The following HMCN1 variants were observed in gnomAD, a reference collection of about 807,000 sequenced individuals.
HMCN1 encodes hemicentin 1, also known as hemicentin-1.
In HMCN1, 321 loss-of-function variants were observed where a neutral mutation model predicts 625.9. The ratio of observed to expected loss-of-function variants is 0.51; its 90% CI spans 0.47 to 0.56. HMCN1 has a LOEUF of 0.56. HMCN1 is among the 20% of genes least tolerant of loss of function. The pLI, the probability that HMCN1 is intolerant of heterozygous loss-of-function variation, is 0.00. For missense variants in HMCN1, 6,588 were observed against 6,887.3 expected (o/e 0.96, Z 1.54); for synonymous variants, 2,425 against 2,417.6 (o/e 1.00, Z -0.09).
intron 9 of HMCN1, among the ~76,000 whole-genome samples, chr1:185,926,481 A>G (rs1046191523): frequency 6.6e-6 from 1 of 152,212 alleles, no homozygotes; most frequent in Admixed American, 6.5e-5. Context: ...AAATCAAATA[A>G]TTCTGTTTTA....
At chr1:186,146,068 C>A in intron 93 of HMCN1, 145 bp downstream of exon 93, 1 of 838,994 alleles carries the variant, frequency 1.2e-6, no homozygotes, top group Non-Finnish European at 1.9e-6. Context: ...CTAATTGGTA[C>A]AGTTCTGTAT....
intron 47 of HMCN1, 27 bp downstream of exon 47, chr1:186,061,991 A>G (rs779248769): frequency 2.2e-6 from 3 of 1,374,466 alleles, no homozygotes; most frequent in South Asian, 2.4e-5. Flanking sequence ...CAATATCTAG[A>G]AGAAACTTAA....
At chr1:185,868,996 A>G (rs558619485) in intron 4 of HMCN1, among the ~76,000 whole-genome samples, 29 of 152,284 alleles carry the variant, frequency 1.9e-4, no homozygotes, top group African/African-American at 6.3e-4. Flanking sequence ...GATGCCAACA[A>G]TAGAGCTGAG....
At chr1:185,879,981 A>G (rs1161701935) in intron 4 of HMCN1, among the ~76,000 whole-genome samples, 1 of 152,208 alleles carries the variant, frequency 6.6e-6, no homozygotes, top group Non-Finnish European at 1.5e-5. Context: ...GAGATGGTAC[A>G]AGTCTCAAAG....
At chr1:185,797,435 G>T (rs552429286) in intron 1 of HMCN1, among the ~76,000 whole-genome samples, 3 of 152,266 alleles carry the variant, frequency 2.0e-5, no homozygotes, top group South Asian at 4.1e-4. Context: ...TTTCTGATTA[G>T]CTGGGACAGG....
intron 23 of HMCN1, 127 bp downstream of exon 23, chr1:185,993,436 A>G: frequency 1.0e-6 from 1 of 976,730 alleles, no homozygotes; most frequent in South Asian, 1.5e-5. Context: ...AATTCTCTAA[A>G]ATCTGAGACT....
In HMCN1 at chr1:186,087,242, G is replaced by A. The variant is rs762993213; in HGVS notation, c.9072G>A (p.Arg3024=). 1.2e-6 allele frequency: 2 copies of A among 1,612,822 alleles called. No individual in the cohort carries two copies. Among genetic ancestry groups the A allele is most frequent in the Non-Finnish European group, 1.7e-6 (2 of 1,179,150 alleles). Residue 3024 remains arginine, a synonymous_variant, in exon 59 of 107, where the codon CGG becomes CGA. Coordinates refer to ENST00000271588, the MANE Select transcript of HMCN1 (RefSeq NM_031935.3). ...GTGGTCGAACTCTACAGATTATTCG[G>A]GCCAAGGTATCAGATGGTGGTGAAT... is the stretch of plus-strand genomic sequence containing the variant. ...VPGGRTLQII[R]AKVSDGGEYT...
At chr1:185,893,213 C>A (rs1278720199) in intron 4 of HMCN1, among the ~76,000 whole-genome samples, 2 of 152,214 alleles carry the variant, frequency 1.3e-5, no homozygotes, top group South Asian at 2.1e-4. Context: ...CACTGTCTGG[C>A]ACTCCCTAGT....
In HMCN1 at chr1:186,103,585, A is replaced by G. The variant is rs1003598455; in HGVS notation, c.10687A>G (p.Met3563Val). The G allele has an allele frequency of 3.7e-6, 6 of 1,613,982 alleles. No individual in the cohort carries two copies. Among genetic ancestry groups the G allele is most frequent in the Non-Finnish European group, 4.2e-6 (5 of 1,179,878 alleles). ...AATCCCAGCCCCTAAAATGACCTGG[A>G]TGAAAGATGGCCGGCCCCTTCCACA... ...SGIPAPKMTW[M>V]KDGRPLPQTD... Residue 3563 changes from methionine (M) to valine (V), a missense_variant, in exon 69 of 107, where the codon ATG becomes GTG. Met to Val is a conservative substitution (Grantham distance 21). This residue lies in a region of HMCN1 where 4,628 missense variants were observed against 4,853.1 expected (regional missense o/e 0.95). Coordinates refer to ENST00000271588, the MANE Select transcript of HMCN1 (RefSeq NM_031935.3).
intron 31 of HMCN1, 111 bp from the exon 32 acceptor site, chr1:186,015,847 T>C (rs1265937319): frequency 9.6e-7 from 1 of 1,044,362 alleles, no homozygotes; most frequent in East Asian, 2.5e-5. Context: ...TATAGGTAGA[T>C]TTTAATGGTC....
Position 186,151,623 on chromosome 1 carries a change from A to G in HMCN1, c.14776A>G (p.Ile4926Val), listed in dbSNP as rs1650670384. ...TTCTTTAGGTTCAGCAATGAGAAAG[A>G]TAGTTTCTATTCTAAATCCCATTTA... ...PRSLGSAMRK[I>V]VSILNPIYWT... The change falls in exon 95 of 107, where the codon ATA (isoleucine) becomes GTA (valine). Residue 4926 changes from isoleucine to valine, a missense_variant. Around this residue, in one of 3 missense-constraint regions of HMCN1, gnomAD observed 1,954 missense variants for 2,013.1 expected, o/e 0.97. Transcript: ENST00000271588. 3.7e-6 allele frequency: 6 copies of G among 1,612,808 alleles called. No homozygotes were observed. Among genetic ancestry groups the G allele is most frequent in the South Asian group, 1.1e-5 (1 of 90,990 alleles).
At chr1:186,114,603 CATA>C (rs1661040832) in intron 73 of HMCN1, among the ~76,000 whole-genome samples, 1 of 152,126 alleles carries the variant, frequency 6.6e-6, no homozygotes, top group Admixed American at 6.5e-5. Flanking sequence ...CTTATGTCTA[CATA>C]ATGATTATAA....
chr1:186,013,997 C>A (rs1326735509), intron 30 of HMCN1, among the ~76,000 whole-genome samples: 2 of 152,016 alleles, frequency 1.3e-5, no homozygotes, highest in African/African-American at 4.8e-5. Flanking sequence ...ATAAGGACTG[C>A]CTTCAAAGGA....
chr1:186,095,145 A>G lies in HMCN1; in HGVS notation c.10295-98A>G, dbSNP rs995266549. 8.9e-6 allele frequency: 11 copies of G among 1,234,356 alleles called. No individual in the cohort carries two copies. In the African/African-American group the frequency reaches 1.7e-4, roughly 19 times the overall value. The allele number at this position is 1,234,356 out of a possible 1,614,324, so 76.5% of individuals were successfully genotyped here. A position where few individuals can be genotyped will look rare whatever the true frequency, so the allele number is the denominator to read the frequency against. ...AATTTTAAAGTATATATTTTTATCA[A>G]CCACAGAAACATTATAGAATTATTC... On this transcript the variant is annotated intron_variant, in intron 67 of 106. Transcript: ENST00000271588.
chr1:186,090,277 A>AAT (rs1391551351), intron 63 of HMCN1, among the ~76,000 whole-genome samples: 1 of 152,004 alleles, frequency 6.6e-6, no homozygotes, highest in Non-Finnish European at 1.5e-5. Flanking sequence ...CATTGTTCAA[A>AAT]ATAAACAATA....
rs1395540496 is a variant in HMCN1, at chr1:186,128,115, A to G, written c.12728A>G (p.Asn4243Ser). The G allele has an allele frequency of 3.1e-6, 5 of 1,613,612 alleles. No homozygotes were observed. In the South Asian group the frequency reaches 3.3e-5, roughly 11 times the overall value. The change falls in exon 83 of 107, where the codon AAT becomes AGT. Residue 4243 changes from asparagine (N) to serine (S), a missense_variant. Asn to Ser is a conservative substitution (Grantham distance 46). Coordinates refer to ENST00000271588, the MANE Select transcript of HMCN1 (RefSeq NM_031935.3). ...DSGFYTCVAN[N>S]AAGEDTHTVS... is the part of the protein sequence containing the mutation. ...GGCTTCTATACCTGTGTTGCTAACAATGCTGCAGGTGAAGATACACACACT... is the reference window on the plus strand; with the variant it reads ...GGCTTCTATACCTGTGTTGCTAACAGTGCTGCAGGTGAAGATACACACACT...
At chr1:185,773,444 T>C (rs1225806634) in intron 1 of HMCN1, among the ~76,000 whole-genome samples, 1 of 152,214 alleles carries the variant, frequency 6.6e-6, no homozygotes, top group East Asian at 1.9e-4. Flanking sequence ...AAGTAAGTGA[T>C]ACACTTATTG....
intron 4 of HMCN1, among the ~76,000 whole-genome samples, chr1:185,874,884 T>TA (rs1469836396): frequency 6.6e-6 from 1 of 151,776 alleles, no homozygotes; most frequent in Admixed American, 6.6e-5. Flanking sequence ...ATATCATCTG[T>TA]AAAAAAGGAG....
At chr1:185,835,812 T>C (rs1661131457) in intron 1 of HMCN1, among the ~76,000 whole-genome samples, 1 of 152,092 alleles carries the variant, frequency 6.6e-6, no homozygotes, top group Non-Finnish European at 1.5e-5. Flanking sequence ...TGCAACAGTA[T>C]ATATAGAAAA....
Sources: gnomAD v4.1 joint callset for allele counts (sites outside exome capture counted in the v4.1 genomes callset) on GRCh38, gnomAD v4.1.1 for gene constraint, gnomAD v4.1.1 regional missense constraint, MANE v1.5 for transcripts, NCBI Gene and HGNC (gene_info 2026-07-23, HGNC 2026-07-21) for gene names.